SH3KBP1: variants seen among roughly 807,000 people sequenced by gnomAD.
SH3KBP1 encodes SH3 domain containing kinase binding protein 1.
SH3KBP1 carries 8 observed loss-of-function variants against 50.1 expected under a neutral mutation model. The observed-to-expected ratio is 0.16, with a 90% CI of 0.09 to 0.29. The LOEUF is 0.29. SH3KBP1 is among the 10% of genes least tolerant of loss of function. The pLI is 1.00. For synonymous variants in SH3KBP1, 227 were observed against 218.6 expected (o/e 1.04, Z -0.34); for missense variants, 377 against 535.2 (o/e 0.70, Z 2.92).
chrX:19,733,895 C>A (rs2064455341), intron 3 of SH3KBP1, among the ~76,000 whole-genome samples: 1 of 111,936 alleles, frequency 8.9e-6, no homozygotes, highest in Non-Finnish European at 1.9e-5. Context: ...AAGCAGCACT[C>A]TCCCCACTTC....
At chrX:19,671,397 TACACACAC>T (rs779834613) in intron 6 of SH3KBP1, among the ~76,000 whole-genome samples, 1 of 73,648 alleles carries the variant, frequency 1.4e-5, no homozygotes, top group Non-Finnish European at 2.5e-5. Context: ...CACACACACA[TACACACAC>T]ACACACACAG....
intron 8 of SH3KBP1, among the ~76,000 whole-genome samples, chrX:19,621,241 ATTTTTTTTTT>A (rs35328957): frequency 1.5e-5 from 1 of 64,584 alleles, no homozygotes; most frequent in African/African-American, 5.8e-5. Flanking sequence ...CACCTGGCTA[ATTTTTTTTTT>A]TTTTTTTTTT....
chrX:19,878,456 A>C (rs1395049424), intron 1 of SH3KBP1, among the ~76,000 whole-genome samples: 3 of 98,949 alleles, frequency 3.0e-5, no homozygotes, highest in African/African-American at 1.2e-4. Context: ...GGTATGTGCC[A>C]CCACGCCTGG....
intron 5 of SH3KBP1, among the ~76,000 whole-genome samples, chrX:19,690,108 C>T (rs965418159): frequency 2.9e-5 from 3 of 103,528 alleles, no homozygotes; most frequent in African/African-American, 1.1e-4. Flanking sequence ...CGCCCAGGCT[C>T]GAGTGCAATG....
At chrX:19,824,947 C>T (rs2067633323) in intron 2 of SH3KBP1, among the ~76,000 whole-genome samples, 1 of 112,041 alleles carries the variant, frequency 8.9e-6, no homozygotes. Flanking sequence ...CTAACAGGTT[C>T]CAGTTGTTAG....
intron 6 of SH3KBP1, among the ~76,000 whole-genome samples, chrX:19,672,771 T>C (rs369785001): frequency 9.0e-6 from 1 of 111,177 alleles, no homozygotes; most frequent in African/African-American, 3.3e-5. Flanking sequence ...ATAATGATAA[T>C]ATGGGCCAGG....
chrX:19,804,146 T>C (rs925235975), intron 2 of SH3KBP1, among the ~76,000 whole-genome samples: 9 of 111,463 alleles, frequency 8.1e-5, no homozygotes, highest in South Asian at 3.8e-4. Flanking sequence ...CACTCCAGCC[T>C]GGGCGACAGA....
intron 1 of SH3KBP1, among the ~76,000 whole-genome samples, chrX:19,882,606 G>A (rs184824998): frequency 1.3e-3 from 149 of 111,974 alleles, no homozygotes; most frequent in Non-Finnish European, 1.8e-3. Flanking sequence ...CGTGATTGTC[G>A]CCCAGTGACG....
chrX:19,670,796 C>T, intron 6 of SH3KBP1: 3 of 1,029,763 alleles, frequency 2.9e-6, no homozygotes, highest in South Asian at 2.2e-5. Context: ...ATGTTATATA[C>T]AGATAAGATA....
At chrX:19,638,429 G>T (rs1486391480) in intron 7 of SH3KBP1, among the ~76,000 whole-genome samples, 1 of 90,661 alleles carries the variant, frequency 1.1e-5, no homozygotes, top group Non-Finnish European at 2.1e-5. Context: ...AAAAAAAAAA[G>T]GCCTTAGTCT....
At chrX:19,741,733 T>C (rs188724327) in intron 3 of SH3KBP1, among the ~76,000 whole-genome samples, 1 of 111,881 alleles carries the variant, frequency 8.9e-6, no homozygotes, top group East Asian at 2.8e-4. Context: ...TCCCAAGGGA[T>C]ACAACAGACT....
chrX:19,646,424 C>A (rs763816677), intron 6 of SH3KBP1, among the ~76,000 whole-genome samples: 5 of 111,803 alleles, frequency 4.5e-5, no homozygotes, highest in Admixed American at 9.5e-5. Flanking sequence ...TGCTACCACA[C>A]GTGTGTGATC....
chrX:19,842,433 G>GGA (rs2068248379), intron 1 of SH3KBP1, among the ~76,000 whole-genome samples: 1 of 110,928 alleles, frequency 9.0e-6, no homozygotes, highest in East Asian at 2.8e-4. Flanking sequence ...GGCTGAGGCA[G>GGA]GAGAATAGCT....
At chrX:19,722,601 T>C (rs1405851017) in intron 3 of SH3KBP1, among the ~76,000 whole-genome samples, 2 of 107,084 alleles carry the variant, frequency 1.9e-5, no homozygotes, top group Non-Finnish European at 3.9e-5. Context: ...TGTGTGTGTG[T>C]GTGTGTGTGT....
chrX:19,692,338 T>C (rs1433950065), intron 5 of SH3KBP1, among the ~76,000 whole-genome samples: 1 of 110,697 alleles, frequency 9.0e-6, no homozygotes, highest in Non-Finnish European at 1.9e-5. Flanking sequence ...TCACCTGTCA[T>C]TCAAAAATAA....
intron 5 of SH3KBP1, among the ~76,000 whole-genome samples, chrX:19,690,329 G>A (rs1315253618): frequency 2.7e-5 from 3 of 111,121 alleles, no homozygotes; most frequent in Non-Finnish European, 5.7e-5. Flanking sequence ...AAGTGCTGGG[G>A]TTACAGGTGT....
chrX:19,602,909 G>A (rs776939603), intron 9 of SH3KBP1, among the ~76,000 whole-genome samples: 1 of 111,765 alleles, frequency 8.9e-6, no homozygotes. Context: ...CGGCCATTGT[G>A]GGAATCGAGC....
At chrX:19,741,497 T>C (rs2064767885) in intron 3 of SH3KBP1, among the ~76,000 whole-genome samples, 1 of 112,152 alleles carries the variant, frequency 8.9e-6, no homozygotes, top group Non-Finnish European at 1.9e-5. Flanking sequence ...ACATTTTGTA[T>C]CAGGAGAGCA....
chrX:19,814,320 G>A (rs989005826), intron 2 of SH3KBP1, among the ~76,000 whole-genome samples: 1 of 111,239 alleles, frequency 9.0e-6, no homozygotes. Flanking sequence ...CCCCCTTGCA[G>A]TCTTTTCTCA....
Sources: allele counts gnomAD v4.1 joint callset (sites outside exome capture counted in the v4.1 genomes callset), GRCh38; gene constraint gnomAD v4.1.1; transcripts MANE v1.5; gene names NCBI Gene and HGNC (gene_info 2026-07-23, HGNC 2026-07-21).